Variants in KLF12 observed in about 807,000 individuals in gnomAD.
The protein encoded by KLF12 is Krueppel-like factor 12.
A neutral mutation model predicts 37.8 loss-of-function variants in KLF12; 9 were observed. The observed-to-expected ratio is 0.24, with a 90% confidence interval of 0.14 to 0.42. KLF12 has a LOEUF of 0.42. Among genes scored for constraint, KLF12 ranks in the 10% least tolerant of loss-of-function variants. The pLI, the probability that KLF12 is intolerant of heterozygous loss-of-function variation, is 1.00. For missense variants in KLF12, 411 were observed against 516.0 expected, an observed-to-expected ratio of 0.80 and a Z score of 1.97; for synonymous variants, 208 against 202.1, an observed-to-expected ratio of 1.03 and a Z score of -0.25.
At chr13:73,715,154 C>T (rs1439079373) in intron 7 of KLF12, among the ~76,000 whole-genome samples, 2 of 152,094 alleles carry the variant, frequency 1.3e-5, no homozygotes, top group Non-Finnish European at 1.5e-5. Flanking sequence ...ACTACTAGAT[C>T]ACTATGTTCC....
the KLF12 span, among the ~76,000 whole-genome samples, chr13:74,140,948 CG>C: frequency 1.8e-3 from 14 of 7,946 alleles, no homozygotes; most frequent in East Asian, 0.31. Context: ...CCCAGCTACT[CG>C]GGGGGTGGGG....
At chr13:74,034,441 CTTTA>C (rs1893194322) in intron 1 of KLF12, among the ~76,000 whole-genome samples, 1 of 152,258 alleles carries the variant, frequency 6.6e-6, no homozygotes, top group South Asian at 2.1e-4. Flanking sequence ...TGCTGCCTTA[CTTTA>C]TTTAAGAGGT....
chr13:74,200,403 C>G, the KLF12 span, among the ~76,000 whole-genome samples: 13 of 152,040 alleles, frequency 8.6e-5, no homozygotes, highest in East Asian at 1.7e-3. Flanking sequence ...GTGTGTTAAG[C>G]AAAGGAACAG....
At chr13:74,009,485 C>A (rs1396793888) in intron 1 of KLF12, among the ~76,000 whole-genome samples, 1 of 152,174 alleles carries the variant, frequency 6.6e-6, no homozygotes, top group Non-Finnish European at 1.5e-5. Flanking sequence ...ACACTCTTTT[C>A]CTCATGCCAT....
chr13:73,827,548 T>C (rs915331894), intron 4 of KLF12, among the ~76,000 whole-genome samples: 10 of 152,078 alleles, frequency 6.6e-5, no homozygotes, highest in Admixed American at 6.6e-4. Context: ...GGTCCAGAAT[T>C]TTTTATTTCT....
At chr13:73,825,225 T>C (rs1883770553) in intron 4 of KLF12, among the ~76,000 whole-genome samples, 1 of 152,178 alleles carries the variant, frequency 6.6e-6, no homozygotes, top group African/African-American at 2.4e-5. Flanking sequence ...ACTAGAATGG[T>C]ATGACTTCCT....
intron 6 of KLF12, among the ~76,000 whole-genome samples, chr13:73,734,476 G>T (rs1877298560): frequency 6.6e-6 from 1 of 152,042 alleles, no homozygotes; most frequent in South Asian, 2.1e-4. Flanking sequence ...GGCAGGCAAG[G>T]TTATCTGTTG....
the KLF12 span, among the ~76,000 whole-genome samples, chr13:74,205,205 G>C: frequency 6.6e-6 from 1 of 152,042 alleles, no homozygotes; most frequent in Non-Finnish European, 1.5e-5. Flanking sequence ...TGCTCAGCGT[G>C]GGGAGAAGAG....
chr13:73,888,785 T>C (rs2182665), intron 3 of KLF12, among the ~76,000 whole-genome samples: 1 of 152,046 alleles, frequency 6.6e-6, no homozygotes, highest in Non-Finnish European at 1.5e-5. Context: ...GAGCTGTGAA[T>C]ACTCAAAACT....
intron 3 of KLF12, among the ~76,000 whole-genome samples, chr13:73,849,373 C>CAT (rs1885196926): frequency 3.1e-5 from 1 of 32,366 alleles, no homozygotes; most frequent in Admixed American, 3.7e-4. Context: ...AGGGAGACTC[C>CAT]ATAAAAAAAA....
the KLF12 span, among the ~76,000 whole-genome samples, chr13:74,206,464 G>A: frequency 6.6e-6 from 1 of 152,098 alleles, no homozygotes; most frequent in Non-Finnish European, 1.5e-5. Flanking sequence ...CCACTTTTGA[G>A]TAGCCCATTT....
At chr13:73,710,401 T>C (rs1407085765) in intron 7 of KLF12, among the ~76,000 whole-genome samples, 1 of 151,764 alleles carries the variant, frequency 6.6e-6, no homozygotes, top group Admixed American at 6.6e-5. Context: ...TGTGTGTGTG[T>C]GTGTGTGTGT....
rs1037404746 is a variant in KLF12, at chr13:73,891,045, T to A, written c.124-44672A>T. ...TTACACCTTTAAATACTATGCAATG[T>A]TGAAGATTAAAAAAAATACAACTTC... On this transcript the variant is annotated intron_variant, in intron 3 of 7. Coordinates refer to ENST00000377669, the MANE Select transcript of KLF12 (RefSeq NM_007249.5). 2.0e-5 allele frequency among the ~76,000 whole-genome samples: 3 copies of A among 152,056 alleles called. No homozygotes were observed. The South Asian group carries it at 6.2e-4, about 31-fold the overall frequency.
intron 3 of KLF12, among the ~76,000 whole-genome samples, chr13:73,852,833 T>C (rs1040689387): frequency 4.0e-5 from 6 of 151,182 alleles, no homozygotes; most frequent in Middle Eastern, 3.5e-3. Flanking sequence ...TTGAAGTCTA[T>C]ACATCAAATA....
In KLF12 at chr13:74,126,968, A is replaced by G. The variant is rs182268774; in HGVS notation, c.-32+6771T>C. Among the ~76,000 whole-genome samples, 470 of 152,354 alleles carry G rather than the reference A, an allele frequency of 3.1e-3. 2 individuals are homozygous for G. Among genetic ancestry groups the G allele is most frequent in the South Asian group, 0.018 (87 of 4,828 alleles). On this transcript the variant is annotated intron_variant, in intron 1 of 7. Transcript: ENST00000377669. The stretch of plus-strand genomic sequence containing the variant: ...GTATTATACTAGGTATACAATAAGG[A>G]GTATTTTATTTTGTACCTACTATTT...
intron 3 of KLF12, among the ~76,000 whole-genome samples, chr13:73,899,858 T>G (rs1465113211): frequency 6.6e-6 from 1 of 152,146 alleles, no homozygotes; most frequent in African/African-American, 2.4e-5. Context: ...CTAACTTACC[T>G]GGTTCTCCAG....
At chr13:74,029,933 AG>A (rs1893071819) in intron 1 of KLF12, among the ~76,000 whole-genome samples, 1 of 152,146 alleles carries the variant, frequency 6.6e-6, no homozygotes. Context: ...TTGAGGCCAC[AG>A]GAAGAGCCTG....
intron 3 of KLF12, among the ~76,000 whole-genome samples, chr13:73,922,960 G>A (rs184610503): frequency 9.2e-5 from 14 of 152,162 alleles, no homozygotes; most frequent in Middle Eastern, 3.4e-3. Context: ...CAGACCTTCC[G>A]CCACAAATTC....
At chr13:73,887,883 AT>A (rs1243892869) in intron 3 of KLF12, among the ~76,000 whole-genome samples, 1 of 152,218 alleles carries the variant, frequency 6.6e-6, no homozygotes, top group African/African-American at 2.4e-5. Flanking sequence ...AGTATAAAGG[AT>A]TACATGACAG....
Sources: allele counts gnomAD v4.1 joint callset (sites outside exome capture counted in the v4.1 genomes callset), GRCh38; gene constraint gnomAD v4.1.1; transcripts MANE v1.5; gene names NCBI Gene and HGNC (gene_info 2026-07-23, HGNC 2026-07-21).